Variants in LMX1B observed in about 807,000 individuals in gnomAD.
LMX1B encodes the protein LIM homeobox transcription factor 1-beta.
LMX1B carries 12 observed loss-of-function variants against 51.4 expected under a neutral mutation model. The observed-to-expected ratio is 0.23, with a 90% confidence interval of 0.15 to 0.38. The LOEUF is 0.38. Among genes scored for constraint, LMX1B ranks in the 10% least tolerant of loss-of-function variants. The probability of loss-of-function intolerance (pLI) is 1.00; values close to 1 mark genes in which losing one functional copy is unlikely to be tolerated. For missense variants in LMX1B, 445 were observed against 571.1 expected (o/e 0.78, Z 2.25); for synonymous variants, 237 against 235.4 (o/e 1.01, Z -0.06).
In LMX1B at chr9:126,698,014, T is replaced by C. The variant is rs2030407536; in HGVS notation, c.*1563T>C. ...CCTCAGCCTCCCTAGTAGCTGAGAT[T>C]ACAGGCATGCGCCACCACACCCAGC... On this transcript the variant is annotated 3_prime_UTR_variant, in exon 8 of 8. Coordinates refer to ENST00000373474, the MANE Select transcript of LMX1B (RefSeq NM_001174147.2). 1.3e-5 allele frequency: 2 copies of C among 152,672 alleles called. No homozygotes were observed. Among genetic ancestry groups the C allele is most frequent in the Non-Finnish European group, 2.9e-5 (2 of 68,420 alleles). The allele number at this position is 152,672 out of a possible 1,614,324, so 9.5% of individuals were successfully genotyped here.
At position 126,614,173 on chromosome 9, in the gene LMX1B, G is replaced by T. The variant is rs1013194290; in HGVS notation, c.-277G>T. ...CGTCTGCAGCAGCCGCCGCCGCCGG[G>T]TTCCGGGACTGACAAGCAGGTGACA... On this transcript the variant is annotated 5_prime_UTR_variant, in exon 1 of 8. Coordinates refer to ENST00000373474, the MANE Select transcript of LMX1B (RefSeq NM_001174147.2). Among the ~76,000 whole-genome samples the T allele has an allele frequency of 2.7e-5, 4 of 145,568 alleles. No individual in the cohort carries two copies. The highest frequency in any genetic ancestry group is 4.6e-5 in the Non-Finnish European group (3 of 65,530).
At chr9:126,616,347 G>C (rs962820083) in intron 2 of LMX1B, among the ~76,000 whole-genome samples, 4 of 152,224 alleles carry the variant, frequency 2.6e-5, no homozygotes, top group African/African-American at 9.6e-5. Context: ...TGAGGCCAGA[G>C]ATGTGGGTTG....
chr9:126,662,847 G>T (rs1208417695), intron 2 of LMX1B, among the ~76,000 whole-genome samples: 1 of 152,242 alleles, frequency 6.6e-6, no homozygotes, highest in African/African-American at 2.4e-5. Context: ...TGCCACCGGG[G>T]ACATATAGGG....
rs376036623 is a variant in LMX1B, at chr9:126,677,033, A to G, written c.327-13803A>G. Among the ~76,000 whole-genome samples, 1 of 152,178 alleles carries G rather than the reference A, an allele frequency of 6.6e-6. No individual in the cohort carries two copies. The highest frequency in any genetic ancestry group is 1.5e-5 in the Non-Finnish European group (1 of 68,018). ...CGGTGATTAAGCGGCTCAGGCAGGC[A>G]GCGGGCGGCTGGGGCGGGGCATGGG... On this transcript the variant is annotated intron_variant, in intron 2 of 7. Transcript: ENST00000373474. The surrounding 1 kb of genome is among the most constrained non-coding windows in gnomAD (Gnocchi z 5.0).
At chr9:126,649,319 T>A (rs1835960077) in intron 2 of LMX1B, among the ~76,000 whole-genome samples, 1 of 152,184 alleles carries the variant, frequency 6.6e-6, no homozygotes, top group Non-Finnish European at 1.5e-5. Flanking sequence ...TTAAAAGCCT[T>A]CCATGCTCTT....
intron 2 of LMX1B, among the ~76,000 whole-genome samples, chr9:126,654,585 T>C (rs1836078351): frequency 6.6e-6 from 1 of 152,150 alleles, no homozygotes; most frequent in Non-Finnish European, 1.5e-5. Context: ...TGTTTGCTTC[T>C]CTCTTGCCCA....
At chr9:126,667,907 C>G (rs1284691674) in intron 2 of LMX1B, among the ~76,000 whole-genome samples, 1 of 152,180 alleles carries the variant, frequency 6.6e-6, no homozygotes, top group Non-Finnish European at 1.5e-5. Context: ...GAACGAGACA[C>G]TCGGGTCTGG....
chr9:126,655,039 C>T, intron 2 of LMX1B, among the ~76,000 whole-genome samples: 1 of 152,246 alleles, frequency 6.6e-6, no homozygotes, highest in East Asian at 1.9e-4. Context: ...AGTCCCTTTA[C>T]CCTGTGAAAT....
chr9:126,667,880 TAAATC>T (rs1200228758), intron 2 of LMX1B, among the ~76,000 whole-genome samples: 1 of 152,190 alleles, frequency 6.6e-6, no homozygotes, highest in Non-Finnish European at 1.5e-5. Context: ...AAGGGCCAGT[TAAATC>T]AATCAATCAA....
chr9:126,648,267 T>A (rs1239021443), intron 2 of LMX1B, among the ~76,000 whole-genome samples: 1 of 152,222 alleles, frequency 6.6e-6, no homozygotes, highest in African/African-American at 2.4e-5. Context: ...GGAACATTAG[T>A]GAACCCAGGG....
intron 2 of LMX1B, among the ~76,000 whole-genome samples, chr9:126,661,900 C>T (rs891759318): frequency 6.6e-6 from 1 of 152,200 alleles, no homozygotes; most frequent in African/African-American, 2.4e-5. Flanking sequence ...CAGTCATCTC[C>T]CTACCCTCTG....
intron 3 of LMX1B, among the ~76,000 whole-genome samples, chr9:126,691,957 T>A (rs2030149168): frequency 1.3e-5 from 2 of 152,182 alleles, no homozygotes; most frequent in African/African-American, 4.8e-5. Context: ...GAGTGAGCCT[T>A]AAGGAGGGAA....
chr9:126,651,473 C>T (rs568748241), intron 2 of LMX1B, among the ~76,000 whole-genome samples: 28 of 152,216 alleles, frequency 1.8e-4, no homozygotes, highest in Admixed American at 1.5e-3. Flanking sequence ...CAGCGGCCTC[C>T]TGTTGGGGGT....
At chr9:126,631,590 G>A (rs776175485) in intron 2 of LMX1B, among the ~76,000 whole-genome samples, 10 of 152,124 alleles carry the variant, frequency 6.6e-5, no homozygotes, top group African/African-American at 1.4e-4. Flanking sequence ...GTGGGGATAG[G>A]GGCGAGGGCA....
At chr9:126,644,549 C>G (rs1035707844) in intron 2 of LMX1B, among the ~76,000 whole-genome samples, 1 of 152,152 alleles carries the variant, frequency 6.6e-6, no homozygotes, top group Non-Finnish European at 1.5e-5. Flanking sequence ...TCTAAGGCTC[C>G]TTGTTTAATT....
chr9:126,623,969 T>C (rs528402179), intron 2 of LMX1B, among the ~76,000 whole-genome samples: 43 of 152,266 alleles, frequency 2.8e-4, no homozygotes, highest in African/African-American at 9.1e-4. Context: ...ACACCATGCA[T>C]AGGCTCCTGG....
intron 2 of LMX1B, among the ~76,000 whole-genome samples, chr9:126,655,637 A>G (rs1031040775): frequency 6.6e-6 from 1 of 152,222 alleles, no homozygotes; most frequent in African/African-American, 2.4e-5. Flanking sequence ...TGCTTGTTGA[A>G]TGAATGAATC....
At chr9:126,688,968 A>C (rs1222572916) in intron 2 of LMX1B, among the ~76,000 whole-genome samples, 4 of 152,184 alleles carry the variant, frequency 2.6e-5, no homozygotes, top group Non-Finnish European at 5.9e-5. Flanking sequence ...CCGTGTACTG[A>C]GTTACATGCT....
intron 2 of LMX1B, among the ~76,000 whole-genome samples, chr9:126,689,205 G>T (rs562097186): frequency 6.6e-6 from 1 of 152,198 alleles, no homozygotes; most frequent in African/African-American, 2.4e-5. Context: ...GTTGCTGGGG[G>T]TGCCCCCTGC....
Sources: gnomAD v4.1 joint callset for allele counts (sites outside exome capture counted in the v4.1 genomes callset) on GRCh38, gnomAD v4.1.1 for gene constraint, Gnocchi (gnomAD v3.1) non-coding constraint, MANE v1.5 for transcripts, NCBI Gene and HGNC (gene_info 2026-07-23, HGNC 2026-07-21) for gene names.